RASEF: variants seen among roughly 807,000 people sequenced by gnomAD.
RASEF encodes the protein RAS and EF-hand domain containing.
A neutral mutation model predicts 90.1 loss-of-function variants in RASEF; 68 were observed. The observed-to-expected ratio is 0.75, with a 90% CI of 0.62 to 0.92. RASEF has a LOEUF of 0.92. Among genes scored for constraint, RASEF ranks in the 40% least tolerant of loss-of-function variants. The probability of loss-of-function intolerance (pLI) is 0.00; values close to 1 mark genes in which losing one functional copy is unlikely to be tolerated. For missense variants in RASEF, 949 were observed against 937.2 expected (o/e 1.01, Z -0.16); for synonymous variants, 331 against 345.2 (o/e 0.96, Z 0.46).
intron 9 of RASEF, among the ~76,000 whole-genome samples, chr9:83,002,629 T>A (rs546574361): frequency 6.6e-6 from 1 of 152,058 alleles, no homozygotes; most frequent in Non-Finnish European, 1.5e-5. Context: ...GGTCCATCTA[T>A]AAAGCACATA....
intron 1 of RASEF, 26 bp downstream of exon 1, chr9:83,062,411 C>T (rs1193376485): frequency 1.9e-6 from 3 of 1,609,434 alleles, no homozygotes; most frequent in African/African-American, 2.7e-5. Context: ...CCAGAATAAC[C>T]TCCCGCCCCC....
the RASEF span, among the ~76,000 whole-genome samples, chr9:83,157,891 G>C: frequency 1.3e-5 from 2 of 152,148 alleles, no homozygotes; most frequent in Non-Finnish European, 2.9e-5. Flanking sequence ...TTGAAAACCA[G>C]AAGATGCAAA....
chr9:83,089,908 A>AGATG, the RASEF span, among the ~76,000 whole-genome samples: 1 of 134,170 alleles, frequency 7.5e-6, no homozygotes, highest in Non-Finnish European at 1.7e-5. Context: ...ATAGATAGAT[A>AGATG]GATAGATAGA....
At chr9:83,085,818 G>T in the RASEF span, among the ~76,000 whole-genome samples, 2 of 151,936 alleles carry the variant, frequency 1.3e-5, no homozygotes, top group Non-Finnish European at 2.9e-5. Flanking sequence ...CCAGCTACTC[G>T]GTGGGCTAAG....
At chr9:83,072,598 G>A in the RASEF span, among the ~76,000 whole-genome samples, 1 of 152,170 alleles carries the variant, frequency 6.6e-6, no homozygotes, top group Admixed American at 6.5e-5. Context: ...AGGCCCAAGA[G>A]CCCCTGGCAA....
At chr9:83,008,307 A>C (rs1439986101) in intron 6 of RASEF, among the ~76,000 whole-genome samples, 1 of 152,224 alleles carries the variant, frequency 6.6e-6, no homozygotes, top group East Asian at 1.9e-4. Flanking sequence ...CCTTAAACCA[A>C]AATTCGGGGG....
At chr9:83,069,918 A>G in the RASEF span, among the ~76,000 whole-genome samples, 1 of 152,170 alleles carries the variant, frequency 6.6e-6, no homozygotes, top group Non-Finnish European at 1.5e-5. Flanking sequence ...ATGTTGCACA[A>G]CTTTTCATAT....
the RASEF span, among the ~76,000 whole-genome samples, chr9:83,147,180 T>C: frequency 6.6e-6 from 1 of 152,016 alleles, no homozygotes; most frequent in South Asian, 2.1e-4. Context: ...CATTTTCAGA[T>C]CATTTTTACA....
intron 16 of RASEF, among the ~76,000 whole-genome samples, chr9:82,989,902 TTTCA>T (rs578041608): frequency 1.2e-4 from 18 of 152,224 alleles, no homozygotes; most frequent in Non-Finnish European, 2.1e-4. Context: ...ATGATGCCAT[TTTCA>T]TTCTATTGTA....
At chr9:83,028,193 CACT>C (rs1211049701) in intron 1 of RASEF, among the ~76,000 whole-genome samples, 2 of 152,180 alleles carry the variant, frequency 1.3e-5, no homozygotes, top group African/African-American at 4.8e-5. Flanking sequence ...GAAAGCCAAT[CACT>C]TTGACACACT....
chr9:83,144,388 AAAGGAAAG>A, the RASEF span, among the ~76,000 whole-genome samples: 18 of 41,196 alleles, frequency 4.4e-4, no homozygotes, highest in African/African-American at 2.6e-3. Flanking sequence ...AGAAAGAAAG[AAAGGAAAG>A]AAAGAAAGAA....
the RASEF span, among the ~76,000 whole-genome samples, chr9:83,162,704 GAGGC>G: frequency 6.6e-6 from 1 of 152,186 alleles, no homozygotes; most frequent in Non-Finnish European, 1.5e-5. Context: ...ACTGAAGAGA[GAGGC>G]AAGTATAGAG....
chr9:83,003,565 T>A (rs1039619461), intron 9 of RASEF, among the ~76,000 whole-genome samples: 1 of 152,212 alleles, frequency 6.6e-6, no homozygotes, highest in Non-Finnish European at 1.5e-5. Flanking sequence ...TAGTCAGCCA[T>A]CTATAAATCA....
At chr9:83,088,198 T>C in the RASEF span, among the ~76,000 whole-genome samples, 12 of 152,086 alleles carry the variant, frequency 7.9e-5, no homozygotes, top group Admixed American at 7.2e-4. Context: ...GAGAAGAATG[T>C]GTATTCTGAC....
the RASEF span, among the ~76,000 whole-genome samples, chr9:83,179,679 A>G: frequency 1.3e-5 from 2 of 152,290 alleles, no homozygotes; most frequent in East Asian, 1.9e-4. Context: ...AAAAGAAGAT[A>G]TACTGTAATT....
rs767112915 is a variant in RASEF, at chr9:83,062,733, G to A, written c.135C>T (p.Ala45=). The A allele has an allele frequency of 5.1e-5, 80 of 1,571,560 alleles. No individual in the cohort carries two copies. In the East Asian group the frequency reaches 9.5e-4, roughly 19 times the overall value. The part of the protein sequence containing the change: ...ALCTELRVRP[A]DAEAVFQRLD... Reference sequence around the variant, plus strand: ...GCCGCTGGAATACTGCCTCGGCGTCGGCCGGCCGCACCCGCAGCTCCGTGC... The same window carrying A: ...GCCGCTGGAATACTGCCTCGGCGTCAGCCGGCCGCACCCGCAGCTCCGTGC... Residue 45 remains alanine (A), a synonymous_variant, in exon 1 of 17, where the codon GCC becomes GCT. Coordinates refer to ENST00000376447, the MANE Select transcript of RASEF (RefSeq NM_152573.4).
chr9:83,006,100 T>C (rs1829125603), intron 7 of RASEF, among the ~76,000 whole-genome samples: 1 of 152,244 alleles, frequency 6.6e-6, no homozygotes, highest in Non-Finnish European at 1.5e-5. Context: ...CCACAGCTCC[T>C]ACACCACAGA....
chr9:83,108,693 C>G, the RASEF span, among the ~76,000 whole-genome samples: 1 of 152,176 alleles, frequency 6.6e-6, no homozygotes, highest in East Asian at 1.9e-4. Context: ...GTTTTTGTCA[C>G]TAATTACTAA....
At chr9:82,987,893 T>C (rs1040129440) in intron 16 of RASEF, among the ~76,000 whole-genome samples, 6 of 152,172 alleles carry the variant, frequency 3.9e-5, no homozygotes, top group Non-Finnish European at 8.8e-5. Context: ...ACTTTGAGCC[T>C]CCTGACACCA....
Sources: gnomAD v4.1 joint callset for allele counts (sites outside exome capture counted in the v4.1 genomes callset) on GRCh38, gnomAD v4.1.1 for gene constraint, MANE v1.5 for transcripts, NCBI Gene and HGNC (gene_info 2026-07-23, HGNC 2026-07-21) for gene names.